JAKMIP3: variants seen among roughly 807,000 people sequenced by gnomAD.
JAKMIP3 encodes the protein Janus kinase and microtubule interacting protein 3.
Under a neutral mutation model 118.5 loss-of-function variants are expected in JAKMIP3, and 58 were observed. The observed-to-expected ratio is 0.49, with a 90% CI of 0.40 to 0.61. The LOEUF (loss-of-function observed/expected upper bound fraction) is 0.61, where lower values mean the gene tolerates loss of function less well. Ranked by LOEUF, JAKMIP3 falls within the 20% of genes least tolerant of loss-of-function variation. JAKMIP3 has a pLI of 0.00. For synonymous variants in JAKMIP3, 486 were observed against 451.2 expected (o/e 1.08, Z -0.98); for missense variants, 950 against 1,109.0 (o/e 0.86, Z 2.04).
At chr10:132,084,182 T>A (rs2042110655) in intron 1 of JAKMIP3, among the ~76,000 whole-genome samples, 1 of 151,794 alleles carries the variant, frequency 6.6e-6, no homozygotes, top group African/African-American at 2.4e-5. Flanking sequence ...ATGTTTGTGT[T>A]TCCACTCGTT....
At chr10:132,136,952 C>T (rs540871504) in intron 6 of JAKMIP3, 67 bp from the exon 7 acceptor site, 21 of 1,547,644 alleles carry the variant, frequency 1.4e-5, no homozygotes, top group Admixed American at 3.8e-5. Context: ...ACCCCCCCGC[C>T]GACCCACTGT....
At chr10:132,048,897 C>T (rs1302559416) in intron 1 of JAKMIP3, among the ~76,000 whole-genome samples, 1 of 152,162 alleles carries the variant, frequency 6.6e-6, no homozygotes, top group East Asian at 1.9e-4. Flanking sequence ...GCCTTCGCCT[C>T]CCAAAGTGCT....
At chr10:132,136,103 C>T (rs369309965) in intron 6 of JAKMIP3, 27 bp downstream of exon 6, 2 of 1,609,288 alleles carry the variant, frequency 1.2e-6, no homozygotes, top group Non-Finnish European at 1.7e-6. Flanking sequence ...CTCCACGGGG[C>T]CACGGTCGCA....
intron 1 of JAKMIP3, among the ~76,000 whole-genome samples, chr10:132,079,972 T>A (rs556816627): frequency 1.3e-5 from 2 of 152,258 alleles, no homozygotes; most frequent in Non-Finnish European, 1.5e-5. Flanking sequence ...ACTGCTGCTG[T>A]GAACACAGGT....
At chr10:132,100,580 A>T (rs907897053) in intron 1 of JAKMIP3, among the ~76,000 whole-genome samples, 1 of 151,568 alleles carries the variant, frequency 6.6e-6, no homozygotes, top group African/African-American at 2.4e-5. Flanking sequence ...GAAACCTAGC[A>T]GCCACCCCCA....
In JAKMIP3 at chr10:132,137,106, C is replaced by T. The variant is rs1389339967; in HGVS notation, c.1204C>T (p.Leu402Phe). ...QDEREVDFLK[L>F]QIVEQQNLID... is the part of the protein sequence containing the mutation. ...TGAGAGAGAAGTCGATTTCTTGAAGCTTCAGATTGTGGAGCAGCAAAACCT... is the reference window on the plus strand; with the variant it reads ...TGAGAGAGAAGTCGATTTCTTGAAGTTTCAGATTGTGGAGCAGCAAAACCT... Residue 402 changes from leucine (L) to phenylalanine (F), a missense_variant, in exon 7 of 24, where the codon CTT (leucine) becomes TTT (phenylalanine). Leu to Phe is a conservative substitution (Grantham distance 22, BLOSUM62 0). Transcript: ENST00000684848. The T allele has an allele frequency of 4.3e-6, 7 of 1,613,962 alleles. No individual in the cohort carries two copies. Among genetic ancestry groups the T allele is most frequent in the East Asian group, 2.2e-5 (1 of 44,874 alleles).
rs758864050 is a variant in JAKMIP3 at position 132,135,921 on chromosome 10, G to C, written c.970-9G>C. On this transcript the variant is annotated splice_polypyrimidine_tract_variant and intron_variant, in intron 5 of 23. Transcript: ENST00000684848. The stretch of plus-strand genomic sequence containing the variant: ...TTAAAGAACAATCACATAGTGCGTT[G>C]TCTTTCAGTTGAAGCGCGTAAGAGA... The C allele has an allele frequency of 1.2e-6, 2 of 1,610,286 alleles. No homozygotes were observed. The highest frequency in any genetic ancestry group is 1.1e-5 in the South Asian group (1 of 90,414).
chr10:132,124,805 C>T (rs1366709784), intron 3 of JAKMIP3, among the ~76,000 whole-genome samples: 1 of 152,268 alleles, frequency 6.6e-6, no homozygotes, highest in Non-Finnish European at 1.5e-5. Context: ...AGCTGCTTCA[C>T]CTCAAGACAG....
At position 132,117,334 on chromosome 10, in the gene JAKMIP3, C is replaced by G; in HGVS notation, c.393C>G (p.Val131=). The change falls in exon 3 of 24, where the codon GTC becomes GTG. Residue 131 remains valine (V), a synonymous_variant. Coordinates refer to ENST00000684848, the MANE Select transcript of JAKMIP3 (RefSeq NM_001323087.2). The surrounding 1 kb of genome is among the most constrained non-coding windows in gnomAD (Gnocchi z 8.6). ...TGCGTGATGGCGGCCCCGAAAAGGT[C>G]AAGACCGTGCTGCTGTCCGAGGCCA... ...SALRDGGPEK[V]KTVLLSEAKE... 1 of 1,613,952 alleles carries G rather than the reference C, an allele frequency of 6.2e-7. No individual in the cohort carries two copies. The highest frequency in any genetic ancestry group is 8.5e-7 in the Non-Finnish European group (1 of 1,179,900).
Position 132,162,145 on chromosome 10 carries a change from G to A in JAKMIP3, c.2221-1064G>A, listed in dbSNP as rs114415938. ...TGCTCTGCTTCTGGGAGACACTGGG[G>A]CAAGGAGGGGAATGACTGGTTCCTC... On this transcript the variant is annotated intron_variant, in intron 19 of 23. Transcript: ENST00000684848. Among the ~76,000 whole-genome samples, 1,351 of 152,238 alleles carry A rather than the reference G, an allele frequency of 8.9e-3. 22 individuals are homozygous for A. The highest frequency in any genetic ancestry group is 0.03 in the African/African-American group (1,259 of 41,510).
chr10:132,167,275 G>A (rs578015993), intron 22 of JAKMIP3, among the ~76,000 whole-genome samples: 5 of 152,194 alleles, frequency 3.3e-5, no homozygotes, highest in African/African-American at 9.7e-5. Flanking sequence ...TGTAGAGGCC[G>A]CAAGGTGCTC....
At chr10:132,052,152 G>A (rs2038121567) in intron 1 of JAKMIP3, among the ~76,000 whole-genome samples, 1 of 152,226 alleles carries the variant, frequency 6.6e-6, no homozygotes, top group Non-Finnish European at 1.5e-5. Context: ...CCTGAGCCTG[G>A]GAGGGTGAGG....
At chr10:132,101,306 G>A (rs542166531) in intron 1 of JAKMIP3, among the ~76,000 whole-genome samples, 1 of 152,130 alleles carries the variant, frequency 6.6e-6, no homozygotes, top group Non-Finnish European at 1.5e-5. Context: ...AGCTGTGATT[G>A]CCCCGCTGCT....
At chr10:132,151,050 T>A (rs2056094641) in intron 16 of JAKMIP3, among the ~76,000 whole-genome samples, 1 of 151,598 alleles carries the variant, frequency 6.6e-6, no homozygotes, top group Non-Finnish European at 1.5e-5. Flanking sequence ...TACCATCCTC[T>A]ACCCATTAAC....
intron 10 of JAKMIP3, among the ~76,000 whole-genome samples, chr10:132,140,909 C>T (rs1465872911): frequency 2.6e-5 from 4 of 152,190 alleles, no homozygotes; most frequent in Non-Finnish European, 5.9e-5. Flanking sequence ...CTCTCCCTTC[C>T]TAAGGGGCCT....
intron 1 of JAKMIP3, among the ~76,000 whole-genome samples, chr10:132,103,471 GCTGGAGGGGAAGAGCA>G: frequency 2.5e-5 from 2 of 80,862 alleles, no homozygotes; most frequent in African/African-American, 1.5e-4. Context: ...GGGAGGAGCA[GCTGGAGGGGAAGAGCA>G]CCTGGGGGAG....
chr10:132,177,579 C>T (rs2060272113), intron 23 of JAKMIP3, among the ~76,000 whole-genome samples: 1 of 137,690 alleles, frequency 7.3e-6, no homozygotes, highest in Admixed American at 7.5e-5. Context: ...GCTCCTGTGC[C>T]CTGGGTAGGG....
intron 19 of JAKMIP3, among the ~76,000 whole-genome samples, chr10:132,159,136 G>T (rs556349375): frequency 9.4e-6 from 1 of 105,846 alleles, no homozygotes; most frequent in Admixed American, 9.1e-5. Flanking sequence ...TTCTGGGGGC[G>T]TCTCTCCTTG....
intron 1 of JAKMIP3, among the ~76,000 whole-genome samples, chr10:132,098,013 T>TCCTA: frequency 8.1e-6 from 1 of 123,766 alleles, no homozygotes; most frequent in Non-Finnish European, 1.7e-5. Context: ...CCTCCTTCCT[T>TCCTA]TTTTTTTTCT....
Sources: gnomAD v4.1 joint callset for allele counts (sites outside exome capture counted in the v4.1 genomes callset) on GRCh38, gnomAD v4.1.1 for gene constraint, Gnocchi (gnomAD v3.1) non-coding constraint, MANE v1.5 for transcripts, NCBI Gene and HGNC (gene_info 2026-07-23, HGNC 2026-07-21) for gene names.